Variants in MRPL1 observed in about 807,000 individuals in gnomAD.
MRPL1 encodes the protein mitochondrial ribosomal protein L1.
MRPL1 carries 28 observed loss-of-function variants against 38.0 expected under a neutral mutation model. The observed-to-expected ratio is 0.74, with a 90% CI of 0.55 to 1.01. MRPL1 has a LOEUF of 1.01. Among genes scored for constraint, MRPL1 ranks in the 50% least tolerant of loss-of-function variants. MRPL1 has a pLI of 0.00. For missense variants in MRPL1, 358 were observed against 389.8 expected, an observed-to-expected ratio of 0.92 and a Z score of 0.69; for synonymous variants, 123 against 126.7, an observed-to-expected ratio of 0.97 and a Z score of 0.20.
chr4:77,926,896 G>A (rs774862900), intron 7 of MRPL1, among the ~76,000 whole-genome samples: 19 of 152,118 alleles, frequency 1.2e-4, no homozygotes, highest in Admixed American at 5.2e-4. Flanking sequence ...GGCGTGAGCT[G>A]CCTCATCTGG....
At chr4:77,892,759 C>T (rs148398693) in intron 5 of MRPL1, among the ~76,000 whole-genome samples, 233 of 152,252 alleles carry the variant, frequency 1.5e-3, no homozygotes, top group African/African-American at 5.4e-3. Flanking sequence ...GGTTCTGGAC[C>T]CACACTGCCT....
At chr4:77,938,409 C>T (rs2174080) in intron 7 of MRPL1, among the ~76,000 whole-genome samples, 36,641 of 152,066 alleles carry the variant, frequency 0.24, 5,727 homozygotes, top group African/African-American at 0.44. Flanking sequence ...TTTTCTAAGA[C>T]CTTTACCTTT....
chr4:77,946,905 G>A (rs1737282950), intron 7 of MRPL1, among the ~76,000 whole-genome samples: 1 of 151,816 alleles, frequency 6.6e-6, no homozygotes, highest in Admixed American at 6.6e-5. Context: ...GCATTTTTCT[G>A]TAGCAAGACT....
At chr4:77,943,405 A>G (rs1001532509) in intron 7 of MRPL1, among the ~76,000 whole-genome samples, 8 of 151,884 alleles carry the variant, frequency 5.3e-5, no homozygotes, top group African/African-American at 1.7e-4. Flanking sequence ...TTGAGCTGCT[A>G]TGTATTTAGA....
chr4:77,949,327 C>T (rs1270405451), intron 7 of MRPL1, among the ~76,000 whole-genome samples: 3 of 152,112 alleles, frequency 2.0e-5, no homozygotes, highest in African/African-American at 7.2e-5. Flanking sequence ...AATGTTAGCA[C>T]AACATCCTGA....
chr4:77,896,494 T>C (rs1735918062), intron 6 of MRPL1, among the ~76,000 whole-genome samples: 2 of 152,184 alleles, frequency 1.3e-5, no homozygotes, highest in Non-Finnish European at 2.9e-5. Flanking sequence ...ACAAACAACC[T>C]GTCAAAAATG....
chr4:77,888,207 G>A (rs1216940180), intron 5 of MRPL1, among the ~76,000 whole-genome samples: 1 of 152,066 alleles, frequency 6.6e-6, no homozygotes, highest in East Asian at 1.9e-4. Flanking sequence ...CCTGCCTTTA[G>A]AAGGTAACAG....
intron 7 of MRPL1, among the ~76,000 whole-genome samples, chr4:77,927,686 A>C (rs902999415): frequency 8.5e-5 from 13 of 152,094 alleles, no homozygotes; most frequent in Non-Finnish European, 8.8e-5. Flanking sequence ...CACTAAGTAC[A>C]ATTGAAATGA....
At chr4:77,931,233 A>G (rs1736837224) in intron 7 of MRPL1, among the ~76,000 whole-genome samples, 1 of 152,242 alleles carries the variant, frequency 6.6e-6, no homozygotes, top group Admixed American at 6.5e-5. Flanking sequence ...GCAATTATTG[A>G]AGGCCACCAC....
intron 6 of MRPL1, chr4:77,907,004 C>G (rs911816395): frequency 1.3e-5 from 13 of 985,208 alleles, no homozygotes; most frequent in Non-Finnish European, 1.3e-5. Flanking sequence ...CCTGAGCCAA[C>G]TGAACAACTG....
intron 7 of MRPL1, among the ~76,000 whole-genome samples, chr4:77,925,455 C>T (rs1478875378): frequency 1.3e-5 from 2 of 151,474 alleles, no homozygotes; most frequent in Admixed American, 6.6e-5. Flanking sequence ...GGGTTCACAC[C>T]GTTCTCCTGC....
In MRPL1 at chr4:77,883,203, G is replaced by A. The variant is rs113232672; in HGVS notation, c.144-39G>A. ...TTTTTTTTTAAAAAAAATCTCTTAG[G>A]ATATATATTGATATAACTCAACTTT... On this transcript the variant is annotated intron_variant, in intron 2 of 8. Transcript: ENST00000315567. 1.3e-3 allele frequency: 1,707 copies of A among 1,300,716 alleles called. 19 individuals carry two copies. The African/African-American group carries it at 0.022, about 17-fold the overall frequency. 80.6% of individuals were successfully genotyped at this position (1,300,716 alleles called of 1,614,324 possible). A position where few individuals can be genotyped will look rare whatever the true frequency, so the allele number is the denominator to read the frequency against.
At chr4:77,934,210 CA>C (rs1407359017) in intron 7 of MRPL1, among the ~76,000 whole-genome samples, 2 of 152,088 alleles carry the variant, frequency 1.3e-5, no homozygotes, top group African/African-American at 2.4e-5. Context: ...GGACTTCATC[CA>C]AATTTAAAAC....
At chr4:77,898,618 G>A (rs1735969827) in intron 6 of MRPL1, among the ~76,000 whole-genome samples, 1 of 151,694 alleles carries the variant, frequency 6.6e-6, no homozygotes. Flanking sequence ...AGCCTCCTGA[G>A]TAGCTGAGAT....
chr4:77,946,104 C>G (rs1271186393), intron 7 of MRPL1, among the ~76,000 whole-genome samples: 1 of 152,134 alleles, frequency 6.6e-6, no homozygotes, highest in African/African-American at 2.4e-5. Flanking sequence ...CTTATCTCAA[C>G]CGCGTAAGAC....
At chr4:77,872,335 T>A (rs1034549726) in intron 2 of MRPL1, among the ~76,000 whole-genome samples, 1 of 152,234 alleles carries the variant, frequency 6.6e-6, no homozygotes, top group African/African-American at 2.4e-5. Flanking sequence ...ATTATATTTT[T>A]TCCTTTTAGG....
intron 7 of MRPL1, among the ~76,000 whole-genome samples, chr4:77,928,460 C>T (rs1237170320): frequency 6.6e-6 from 1 of 152,216 alleles, no homozygotes; most frequent in Non-Finnish European, 1.5e-5. Flanking sequence ...TCCCTTCCTC[C>T]TTTTCCCTTA....
intron 7 of MRPL1, among the ~76,000 whole-genome samples, chr4:77,934,860 AATTGACGC>A (rs1403658385): frequency 4.6e-5 from 7 of 152,196 alleles, no homozygotes; most frequent in African/African-American, 1.7e-4. Flanking sequence ...AAATGAAGGA[AATTGACGC>A]ATCCTACAAC....
chr4:77,901,101 T>C (rs1376867179), intron 6 of MRPL1, among the ~76,000 whole-genome samples: 1 of 152,138 alleles, frequency 6.6e-6, no homozygotes, highest in East Asian at 1.9e-4. Context: ...CAGATTTGGG[T>C]ATGACAATAA....
Sources: gnomAD v4.1 joint callset for allele counts (sites outside exome capture counted in the v4.1 genomes callset) on GRCh38, gnomAD v4.1.1 for gene constraint, MANE v1.5 for transcripts, NCBI Gene and HGNC (gene_info 2026-07-23, HGNC 2026-07-21) for gene names.